Variants in CARD9 observed in about 807,000 individuals in gnomAD.
The protein encoded by CARD9 is caspase recruitment domain-containing protein 9.
In CARD9, 53 loss-of-function variants were observed where a neutral mutation model predicts 66.0. The observed-to-expected ratio is 0.80, with a 90% CI of 0.64 to 1.01. The LOEUF is 1.01. CARD9 is among the 50% of genes least tolerant of loss of function. CARD9 has a pLI of 0.00. For missense variants in CARD9, 769 were observed against 743.2 expected (o/e 1.03, Z -0.40); for synonymous variants, 387 against 313.8 (o/e 1.23, Z -2.47).
intron 4 of CARD9, 62 bp downstream of exon 4, chr9:136,370,779 G>A (rs765063795): frequency 1.1e-5 from 17 of 1,604,702 alleles, no homozygotes; most frequent in South Asian, 9.9e-5. Flanking sequence ...CGACCGCCCC[G>A]GCCTGCAGAC....
At chr9:136,364,714 G>C (rs1159880076) in intron 11 of CARD9, 155 bp from the exon 12 acceptor site, 1 of 728,666 alleles carries the variant, frequency 1.4e-6, no homozygotes, top group Non-Finnish European at 2.2e-6. Flanking sequence ...TGTGGGACCT[G>C]CCTGTACCCC....
intron 8 of CARD9, 64 bp downstream of exon 8, chr9:136,367,573 C>T (rs962483785): frequency 5.7e-5 from 85 of 1,495,304 alleles, no homozygotes; most frequent in Non-Finnish European, 6.3e-5. Context: ...GCTGAGGCTC[C>T]GTGCTCCCCT....
rs1314351780 is a variant in CARD9, at chr9:136,367,811, C to T, written c.1095G>A (p.Glu365=). The T allele has an allele frequency of 2.5e-6, 4 of 1,601,044 alleles. No homozygotes were observed. The highest frequency in any genetic ancestry group is 1.3e-5 in the African/African-American group (1 of 74,894). The part of the protein sequence containing the change: ...IERDQAIATR[E]ELHAQHARGL... ...CCCGGGCGTGCTGTGCGTGCAGCTCCTCCCGCGTGGCTATGGCCTGACGGG... is the reference window on the plus strand; with the variant it reads ...CCCGGGCGTGCTGTGCGTGCAGCTCTTCCCGCGTGGCTATGGCCTGACGGG... The change falls in exon 8 of 13, where the codon GAG becomes GAA. Residue 365 remains glutamate, a synonymous_variant. Coordinates refer to ENST00000371732, the MANE Select transcript of CARD9 (RefSeq NM_052813.5).
chr9:136,371,967 T>C lies in CARD9; in HGVS notation c.112A>G (p.Lys38Glu). ...TCCTCATCATCGGGGTTCAGGACCTTGCACTGCCGCAGGTAAGGTGTGATG... is the reference window on the plus strand; with the variant it reads ...TCCTCATCATCGGGGTTCAGGACCTCGCACTGCCGCAGGTAAGGTGTGATG... ...SRITPYLRQCKVLNPDDEEQV... is the reference protein window; with the variant it reads ...SRITPYLRQCEVLNPDDEEQV... Residue 38 changes from lysine (K) to glutamate (E), a missense_variant, in exon 2 of 13, where the codon AAG becomes GAG. By Grantham distance (56) the Lys-to-Glu change is moderately conservative (BLOSUM62 1). Transcript: ENST00000371732. 6.2e-7 allele frequency: 1 copy of C among 1,612,584 alleles called. No individual in the cohort carries two copies. The highest frequency in any genetic ancestry group is 8.5e-7 in the Non-Finnish European group (1 of 1,179,726).
intron 9 of CARD9, among the ~76,000 whole-genome samples, 164 bp from the exon 10 acceptor site, chr9:136,367,009 C>T (rs554416962): frequency 3.3e-5 from 5 of 152,204 alleles, no homozygotes; most frequent in African/African-American, 7.2e-5. Flanking sequence ...GGACATTGGG[C>T]GGCCAGGAGG....
At chr9:136,365,272 C>T (rs1833095779) in intron 10 of CARD9, 55 bp from the exon 11 acceptor site, 2 of 1,546,238 alleles carry the variant, frequency 1.3e-6, no homozygotes, top group Non-Finnish European at 1.8e-6. Context: ...CCACGTATAG[C>T]ACGGCTGCCC....
Position 136,364,006 on chromosome 9 carries a change from T to C in CARD9, c.*296A>G, listed in dbSNP as rs1015074766. 6 of 1,263,960 alleles carry C rather than the reference T, an allele frequency of 4.7e-6. No individual in the cohort carries two copies. Among genetic ancestry groups the C allele is most frequent in the East Asian group, 2.5e-5 (1 of 39,784 alleles). The allele number at this position is 1,263,960 out of a possible 1,614,324, so 78.3% of individuals were successfully genotyped here. On this transcript the variant is annotated 3_prime_UTR_variant, in exon 13 of 13. Coordinates refer to ENST00000371732, the MANE Select transcript of CARD9 (RefSeq NM_052813.5). ...ACGCAGCTGTGTTTTCTAACACTAA[T>C]ACAATGCATGCATGTATTGTGTGTT...
At position 136,371,311 on chromosome 9, in the gene CARD9, C is replaced by G; in HGVS notation, c.322+13G>C. 1 of 1,599,450 alleles carries G rather than the reference C, an allele frequency of 6.3e-7. No homozygotes were observed. Among genetic ancestry groups the G allele is most frequent in the Non-Finnish European group, 8.5e-7 (1 of 1,173,578 alleles). ...GCGCCTCCCCTGTCGGCCCCGCCTC[C>G]CCCGTCACTCACCGATGATCATGGA... On this transcript the variant is annotated intron_variant, in intron 3 of 12. Coordinates refer to ENST00000371732, the MANE Select transcript of CARD9 (RefSeq NM_052813.5).
intron 8 of CARD9, 75 bp from the exon 9 acceptor site, chr9:136,367,332 G>A: frequency 6.6e-7 from 1 of 1,522,210 alleles, no homozygotes; most frequent in Non-Finnish European, 9.0e-7. Flanking sequence ...GCAGGGCACA[G>A]AGCGGGATCC....
chr9:136,367,415 T>A (rs760842007), intron 8 of CARD9, 158 bp from the exon 9 acceptor site: 243 of 999,814 alleles, frequency 2.4e-4, no homozygotes, highest in Non-Finnish European at 3.1e-4. Flanking sequence ...CTAGGCTGCC[T>A]GATGGCCAGG....
At chr9:136,366,960 C>T in intron 9 of CARD9, 115 bp from the exon 10 acceptor site, 2 of 1,257,412 alleles carry the variant, frequency 1.6e-6, no homozygotes, top group South Asian at 1.2e-5. Context: ...CCGTCACCCC[C>T]TGCACAGAGC....
chr9:136,372,195 G>A, intron 1 of CARD9, 101 bp from the exon 2 acceptor site: 1 of 1,486,148 alleles, frequency 6.7e-7, no homozygotes, highest in African/African-American at 1.4e-5. Context: ...CTCTCGTCAG[G>A]GCATCGAGGG....
chr9:136,364,110 C>G lies in CARD9; in HGVS notation c.*192G>C, dbSNP rs1833052734. ...GTGGTGAGCACCCGCATGGCCTCCG[C>G]AAAATGAGTGCCGCTTAACAAACGG... is the stretch of plus-strand genomic sequence containing the variant. On this transcript the variant is annotated 3_prime_UTR_variant, in exon 13 of 13. Coordinates refer to ENST00000371732, the MANE Select transcript of CARD9 (RefSeq NM_052813.5). 1 of 1,550,534 alleles carries G rather than the reference C, an allele frequency of 6.4e-7. No individual in the cohort carries two copies. The highest frequency in any genetic ancestry group is 8.7e-7 in the Non-Finnish European group (1 of 1,146,874).
chr9:136,370,487 T>C (rs1395590106), intron 5 of CARD9, 35 bp downstream of exon 5: 2 of 1,603,412 alleles, frequency 1.2e-6, no homozygotes, highest in African/African-American at 1.3e-5. Context: ...CCCACTGCCC[T>C]GCCTGGGCTG....
chr9:136,366,886 C>G, intron 9 of CARD9, 41 bp from the exon 10 acceptor site: 1 of 1,610,632 alleles, frequency 6.2e-7, no homozygotes, highest in African/African-American at 1.3e-5. Flanking sequence ...GCCACTTCGC[C>G]AAGGACTGGA....
rs141270365 is a variant in CARD9 at position 136,367,801 on chromosome 9, C to T, written c.1105G>A (p.Ala369Thr). ...TCCTGCAGGCCCCGGGCGTGCTGTGCGTGCAGCTCCTCCCGCGTGGCTATG... is the reference window on the plus strand; with the variant it reads ...TCCTGCAGGCCCCGGGCGTGCTGTGTGTGCAGCTCCTCCCGCGTGGCTATG... ...QAIATREELH[A>T]QHARGLQEKD... Residue 369 changes from alanine (A) to threonine (T), a missense_variant, in exon 8 of 13, where the codon GCA becomes ACA. Physicochemically the swap from Ala to Thr is moderately conservative, Grantham distance 58. Transcript: ENST00000371732. 1.3e-4 allele frequency: 212 copies of T among 1,602,022 alleles called. No homozygotes were observed. The African/African-American group carries it at 1.3e-3, about 10-fold the overall frequency.
At chr9:136,370,233 G>T in intron 6 of CARD9, 61 bp downstream of exon 6, 1 of 1,572,548 alleles carries the variant, frequency 6.4e-7, no homozygotes, top group Non-Finnish European at 8.6e-7. Context: ...AGTGGGCGGA[G>T]CTCAGCCCGT....
At chr9:136,365,765 C>A (rs2131434026) in intron 10 of CARD9, 1 of 156,650 alleles carries the variant, frequency 6.4e-6, no homozygotes, top group Admixed American at 6.4e-5. Context: ...CAGTCTCAGC[C>A]CCACTGCGGT....
chr9:136,367,185 C>G, intron 9 of CARD9, 31 bp downstream of exon 9: 1 of 1,607,824 alleles, frequency 6.2e-7, no homozygotes, highest in Non-Finnish European at 8.5e-7. Context: ...TGAAGGAAGG[C>G]CAGCCTCGTG....
Sources: allele counts gnomAD v4.1 joint callset (sites outside exome capture counted in the v4.1 genomes callset), GRCh38; gene constraint gnomAD v4.1.1; transcripts MANE v1.5; gene names NCBI Gene and HGNC (gene_info 2026-07-23, HGNC 2026-07-21).